ME2: variants seen among roughly 807,000 people sequenced by gnomAD.
The protein encoded by ME2 is malic enzyme 2, also known as NAD-dependent malic enzyme, mitochondrial.
ME2 carries 60 observed loss-of-function variants against 73.7 expected under a neutral mutation model. The observed-to-expected ratio is 0.81, with a 90% CI of 0.66 to 1.01. The LOEUF (loss-of-function observed/expected upper bound fraction) is 1.01. Among genes scored for constraint, ME2 ranks in the 50% least tolerant of loss-of-function variants. The pLI, the probability that ME2 is intolerant of heterozygous loss-of-function variation, is 0.00. For synonymous variants in ME2, 199 were observed against 236.9 expected (o/e 0.84, Z 1.47); for missense variants, 594 against 705.5 (o/e 0.84, Z 1.79).
At chr18:50,921,616 A>AC (rs1434260891) in intron 10 of ME2, among the ~76,000 whole-genome samples, 1 of 152,070 alleles carries the variant, frequency 6.6e-6, no homozygotes, top group Non-Finnish European at 1.5e-5. Flanking sequence ...TCTCTCTGTC[A>AC]CCCAGGCTGG....
At chr18:50,911,423 A>G (rs961517147) in intron 3 of ME2, among the ~76,000 whole-genome samples, 4 of 152,260 alleles carry the variant, frequency 2.6e-5, no homozygotes, top group East Asian at 3.8e-4. Context: ...CTGGAACTAT[A>G]GAAGTATATG....
intron 1 of ME2, among the ~76,000 whole-genome samples, chr18:50,881,787 A>C (rs1490282790): frequency 6.6e-6 from 1 of 152,242 alleles, no homozygotes; most frequent in Non-Finnish European, 1.5e-5. Flanking sequence ...ACAACTACTA[A>C]TAGTAATGCT....
rs1444104187 is a variant in ME2, at chr18:50,950,434, T to A, written c.*3250T>A. On this transcript the variant is annotated 3_prime_UTR_variant, in exon 16 of 16. Coordinates refer to ENST00000321341, the MANE Select transcript of ME2 (RefSeq NM_002396.5). ...AGAACTAACAAGATTCTGATGCTGA[T>A]GCATAGGGCCTGGGGTGGGGCCTCA... is the stretch of plus-strand genomic sequence containing the variant. 2.0e-5 allele frequency: 3 copies of A among 147,996 alleles called. No homozygotes were observed. The highest frequency in any genetic ancestry group is 4.5e-5 in the Non-Finnish European group (3 of 67,272). The allele number at this position is 147,996 out of a possible 1,614,324, so 9.2% of individuals were successfully genotyped here.
At chr18:50,916,301 CTA>C in intron 5 of ME2, 58 bp downstream of exon 5, 1 of 1,307,082 alleles carries the variant, frequency 7.7e-7, no homozygotes, top group Non-Finnish European at 1.1e-6. Context: ...TAAATTACCT[CTA>C]AATCTCCAAG....
intron 12 of ME2, among the ~76,000 whole-genome samples, chr18:50,927,751 T>TATATACAC (rs1316314513): frequency 8.9e-5 from 11 of 123,306 alleles, no homozygotes; most frequent in African/African-American, 3.0e-4. Context: ...TATATATATA[T>TATATACAC]ACACACCACA....
In ME2 at chr18:50,918,189, A is replaced by C; in HGVS notation, c.710A>C (p.Glu237Ala). Residue 237 changes from glutamate (E) to alanine (A), a missense_variant, in exon 7 of 16, where the codon GAG becomes GCG. Coordinates refer to ENST00000321341, the MANE Select transcript of ME2 (RefSeq NM_002396.5). ...CAACAGTATGATGACCTGATTGATG[A>C]GTTTATGAAAGCTATTACTGACAGG... Reference protein sequence around the residue: ...RTQQYDDLIDEFMKAITDRYG... With the variant: ...RTQQYDDLIDAFMKAITDRYG... The C allele has an allele frequency of 8.7e-6, 14 of 1,609,326 alleles. No homozygotes were observed. The highest frequency in any genetic ancestry group is 1.2e-5 in the Non-Finnish European group (14 of 1,176,658).
chr18:50,913,768 T>TC (rs1343875918), intron 4 of ME2, among the ~76,000 whole-genome samples: 1 of 151,940 alleles, frequency 6.6e-6, no homozygotes, highest in Non-Finnish European at 1.5e-5. Flanking sequence ...TGAATGTGTT[T>TC]CCTCATGTGT....
At chr18:50,920,156 A>G (rs557380698) in intron 7 of ME2, among the ~76,000 whole-genome samples, 1 of 152,266 alleles carries the variant, frequency 6.6e-6, no homozygotes, top group South Asian at 2.1e-4. Flanking sequence ...TCAAATATAT[A>G]TTTTTTGAGG....
chr18:50,896,051 T>A, intron 2 of ME2, 123 bp downstream of exon 2: 1 of 657,170 alleles, frequency 1.5e-6, no homozygotes, highest in Non-Finnish European at 2.5e-6. Flanking sequence ...GATAGTTGTT[T>A]ACATGAAATT....
At chr18:50,920,998 T>C in intron 9 of ME2, 76 bp from the exon 10 acceptor site, 1 of 767,378 alleles carries the variant, frequency 1.3e-6, no homozygotes, top group Non-Finnish European at 2.1e-6. Context: ...TTATGGCATA[T>C]AATCTTCATA....
At chr18:50,923,936 T>C (rs1452848549) in intron 10 of ME2, among the ~76,000 whole-genome samples, 162 bp from the exon 11 acceptor site, 6 of 152,046 alleles carry the variant, frequency 3.9e-5, no homozygotes, top group Admixed American at 3.9e-4. Flanking sequence ...TTTATGGACA[T>C]GATGAAGATA....
At chr18:50,937,727 G>A (rs1481022182) in intron 13 of ME2, among the ~76,000 whole-genome samples, 1 of 151,934 alleles carries the variant, frequency 6.6e-6, no homozygotes, top group Non-Finnish European at 1.5e-5. Context: ...TAAAAATAAA[G>A]TTTGATAGCA....
At chr18:50,924,532 G>A (rs906359464) in intron 11 of ME2, among the ~76,000 whole-genome samples, 3 of 152,104 alleles carry the variant, frequency 2.0e-5, no homozygotes, top group African/African-American at 4.8e-5. Context: ...CAAAGTTTTC[G>A]TGGGCAACAA....
At chr18:50,894,996 C>A (rs2144195817) in intron 1 of ME2, among the ~76,000 whole-genome samples, 1 of 151,296 alleles carries the variant, frequency 6.6e-6, no homozygotes, top group South Asian at 2.1e-4. Context: ...TTTGCTGCCC[C>A]TTCACACATA....
At chr18:50,926,011 C>G (rs1226422585) in intron 12 of ME2, 113 bp downstream of exon 12, 1 of 701,770 alleles carries the variant, frequency 1.4e-6, no homozygotes, top group Non-Finnish European at 2.4e-6. Flanking sequence ...CAGCATGCAT[C>G]TATGGGTGAT....
intron 3 of ME2, among the ~76,000 whole-genome samples, chr18:50,908,631 C>T (rs1463292889): frequency 6.6e-6 from 1 of 152,122 alleles, no homozygotes; most frequent in Non-Finnish European, 1.5e-5. Flanking sequence ...AAAGCTACCC[C>T]TGGCAAACTT....
At chr18:50,905,021 T>G (rs1196032222) in intron 2 of ME2, among the ~76,000 whole-genome samples, 1 of 151,990 alleles carries the variant, frequency 6.6e-6, no homozygotes, top group Non-Finnish European at 1.5e-5. Flanking sequence ...GGAATCTCCC[T>G]CTGTCACCAG....
chr18:50,903,856 G>C (rs1568163362), intron 2 of ME2, among the ~76,000 whole-genome samples: 1 of 152,122 alleles, frequency 6.6e-6, no homozygotes, highest in Non-Finnish European at 1.5e-5. Context: ...GACAGTTTTG[G>C]TTTTACCTTC....
chr18:50,935,840 G>A (rs1789223), intron 13 of ME2: 101,823 of 149,752 alleles, frequency 0.68, 34,993 homozygotes, highest in South Asian at 0.78. Flanking sequence ...CTCAGAAGAA[G>A]CAATCCAGAA....
Sources: gnomAD v4.1 joint callset for allele counts (sites outside exome capture counted in the v4.1 genomes callset) on GRCh38, gnomAD v4.1.1 for gene constraint, MANE v1.5 for transcripts, NCBI Gene and HGNC (gene_info 2026-07-23, HGNC 2026-07-21) for gene names.